Variants in EPHA6 observed in about 807,000 individuals in gnomAD.
EPHA6 encodes ephrin type-A receptor 6.
A neutral mutation model predicts 112.0 loss-of-function variants in EPHA6; 50 were observed. The observed-to-expected ratio is 0.45, with a 90% CI of 0.36 to 0.56. The LOEUF (loss-of-function observed/expected upper bound fraction) is 0.56, where lower values mean the gene tolerates loss of function less well. EPHA6 is among the 20% of genes least tolerant of loss of function. The pLI is 0.00. For synonymous variants in EPHA6, 529 were observed against 490.7 expected (o/e 1.08, Z -1.03); for missense variants, 1,280 against 1,417.4 (o/e 0.90, Z 1.56).
intron 6 of EPHA6, among the ~76,000 whole-genome samples, chr3:97,428,996 C>T (rs935511820): frequency 6.6e-6 from 1 of 152,164 alleles, no homozygotes; most frequent in Non-Finnish European, 1.5e-5. Context: ...CAATTCCTCA[C>T]CCCTTTGACT....
chr3:97,490,995 A>C (rs896580944), intron 10 of EPHA6, among the ~76,000 whole-genome samples: 1 of 152,208 alleles, frequency 6.6e-6, no homozygotes, highest in Non-Finnish European at 1.5e-5. Context: ...GAACATCCTC[A>C]GATTCTTACC....
chr3:97,174,577 G>T (rs2076784303), intron 3 of EPHA6, among the ~76,000 whole-genome samples: 1 of 151,788 alleles, frequency 6.6e-6, no homozygotes, highest in Non-Finnish European at 1.5e-5. Context: ...TTGTCTTTTA[G>T]ATATAAGCCA....
intron 2 of EPHA6, among the ~76,000 whole-genome samples, chr3:96,952,111 C>T (rs1338930227): frequency 6.6e-6 from 1 of 152,118 alleles, no homozygotes; most frequent in Non-Finnish European, 1.5e-5. Context: ...CTCCATTGTA[C>T]TAGGAAGAGA....
chr3:96,998,534 C>T (rs1413304032), intron 3 of EPHA6, among the ~76,000 whole-genome samples: 2 of 151,698 alleles, frequency 1.3e-5, no homozygotes, highest in Admixed American at 6.6e-5. Context: ...ATGTAGAATA[C>T]AAGATGATGA....
chr3:97,648,549 T>G, intron 14 of EPHA6: 1 of 1,240,950 alleles, frequency 8.1e-7, no homozygotes, highest in Non-Finnish European at 1.0e-6. Flanking sequence ...CTTTAAGAAC[T>G]TTAAGAATAA....
intron 3 of EPHA6, among the ~76,000 whole-genome samples, chr3:97,202,772 A>T (rs1391024525): frequency 1.3e-5 from 2 of 152,186 alleles, no homozygotes; most frequent in Non-Finnish European, 2.9e-5. Context: ...ATTGCCAAAT[A>T]CTGTTTTATG....
chr3:97,201,316 G>T (rs757534456), intron 3 of EPHA6, among the ~76,000 whole-genome samples: 1 of 152,060 alleles, frequency 6.6e-6, no homozygotes, highest in Non-Finnish European at 1.5e-5. Context: ...CTGGAAAATT[G>T]TCTGGGGTAT....
chr3:97,255,034 A>G (rs2079262663), intron 5 of EPHA6, among the ~76,000 whole-genome samples: 1 of 151,990 alleles, frequency 6.6e-6, no homozygotes, highest in Non-Finnish European at 1.5e-5. Flanking sequence ...CCAATTCTTT[A>G]TTTTTAGTAG....
chr3:97,038,665 A>G (rs2045200429), intron 3 of EPHA6, among the ~76,000 whole-genome samples: 1 of 151,974 alleles, frequency 6.6e-6, no homozygotes, highest in South Asian at 2.1e-4. Flanking sequence ...CCTCGGGAAT[A>G]TTTGTCTCTT....
intron 14 of EPHA6, among the ~76,000 whole-genome samples, chr3:97,647,044 C>T (rs532333832): frequency 1.3e-5 from 2 of 152,274 alleles, no homozygotes; most frequent in South Asian, 4.2e-4. Flanking sequence ...CCATGCAGTT[C>T]CTTCGTAACT....
intron 2 of EPHA6, among the ~76,000 whole-genome samples, chr3:96,946,322 C>A (rs1033452129): frequency 2.6e-5 from 4 of 151,998 alleles, no homozygotes; most frequent in South Asian, 2.1e-4. Flanking sequence ...ATCCCTCCCC[C>A]CCTTCCCCCA....
intron 3 of EPHA6, among the ~76,000 whole-genome samples, chr3:97,049,192 C>T (rs1488414174): frequency 1.3e-5 from 2 of 152,094 alleles, no homozygotes; most frequent in Non-Finnish European, 1.5e-5. Flanking sequence ...TACTTCATGG[C>T]ACATAAGATA....
At chr3:97,244,993 G>T (rs1046064475) in intron 5 of EPHA6, among the ~76,000 whole-genome samples, 1 of 151,984 alleles carries the variant, frequency 6.6e-6, no homozygotes, top group Non-Finnish European at 1.5e-5. Flanking sequence ...AAAAGCTTCA[G>T]AGATTTTTAA....
chr3:97,531,207 A>G (rs931811123), intron 10 of EPHA6, among the ~76,000 whole-genome samples: 4 of 151,932 alleles, frequency 2.6e-5, no homozygotes, highest in Non-Finnish European at 5.9e-5. Context: ...TTCTCACTTT[A>G]TATATTAATA....
intron 12 of EPHA6, among the ~76,000 whole-genome samples, chr3:97,600,494 C>T (rs976157603): frequency 1.3e-5 from 2 of 151,866 alleles, no homozygotes; most frequent in Admixed American, 1.3e-4. Context: ...TGAATTTTGT[C>T]AAAGGCTTTT....
intron 1 of EPHA6, 61 bp downstream of exon 1, chr3:96,815,069 G>C (rs1469384597): frequency 1.4e-6 from 2 of 1,421,640 alleles, no homozygotes; most frequent in Non-Finnish European, 1.9e-6. Flanking sequence ...GGAGAACCAG[G>C]GTACTGGTTG....
intron 2 of EPHA6, among the ~76,000 whole-genome samples, chr3:96,918,279 A>G (rs925933926): frequency 6.6e-6 from 1 of 152,200 alleles, no homozygotes; most frequent in Non-Finnish European, 1.5e-5. Context: ...TATTTTCCAA[A>G]TGGATAAAAT....
chr3:97,026,599 A>C (rs1165698992), intron 3 of EPHA6, among the ~76,000 whole-genome samples: 1 of 151,926 alleles, frequency 6.6e-6, no homozygotes, highest in Non-Finnish European at 1.5e-5. Flanking sequence ...AGAAATTTAC[A>C]AGAAGACAAC....
At chr3:97,491,999 TTG>T in intron 10 of EPHA6, among the ~76,000 whole-genome samples, 1 of 152,254 alleles carries the variant, frequency 6.6e-6, no homozygotes, top group South Asian at 2.1e-4. Flanking sequence ...CAAAATTACA[TTG>T]CAAAGTGGCA....
Sources: allele counts gnomAD v4.1 joint callset (sites outside exome capture counted in the v4.1 genomes callset), GRCh38; gene constraint gnomAD v4.1.1; transcripts MANE v1.5; gene names NCBI Gene and HGNC (gene_info 2026-07-23, HGNC 2026-07-21).